EPHA6: variants seen among roughly 807,000 people sequenced by gnomAD.
The protein encoded by EPHA6 is EPH receptor A6.
A neutral mutation model predicts 112.0 loss-of-function variants in EPHA6; 50 were observed. The ratio of observed to expected loss-of-function variants is 0.45; its 90% confidence interval spans 0.36 to 0.56. The LOEUF (loss-of-function observed/expected upper bound fraction) is 0.56. Among genes scored for constraint, EPHA6 ranks in the 20% least tolerant of loss-of-function variants. EPHA6 has a pLI of 0.00. For synonymous variants in EPHA6, 529 were observed against 490.7 expected (o/e 1.08, Z -1.03); for missense variants, 1,280 against 1,417.4 (o/e 0.90, Z 1.56).
intron 3 of EPHA6, among the ~76,000 whole-genome samples, chr3:97,178,206 C>T (rs1221796670): frequency 6.6e-6 from 1 of 151,990 alleles, no homozygotes; most frequent in Non-Finnish European, 1.5e-5. Flanking sequence ...CATAAACAAA[C>T]AAACACAAAG....
At chr3:97,431,413 A>G (rs1324830922) in intron 6 of EPHA6, among the ~76,000 whole-genome samples, 1 of 152,128 alleles carries the variant, frequency 6.6e-6, no homozygotes, top group East Asian at 1.9e-4. Flanking sequence ...GGTTGAATAG[A>G]ATATAAATTA....
chr3:97,758,421 A>T lies in EPHA6; in HGVS notation c.*9720A>T, dbSNP rs1048261315. ...ACTGGTCCAAAATTGTATAATTCCTAAATTTTCATATATATACATATACTG... is the reference window on the plus strand; with the variant it reads ...ACTGGTCCAAAATTGTATAATTCCTTAATTTTCATATATATACATATACTG... On this transcript the variant is annotated 3_prime_UTR_variant, in exon 18 of 18. Transcript: ENST00000389672. 6.6e-6 allele frequency among the ~76,000 whole-genome samples: 1 copy of T among 152,074 alleles called. No homozygotes were observed. Among genetic ancestry groups the T allele is most frequent in the South Asian group, 2.1e-4 (1 of 4,830 alleles).
At chr3:97,272,896 G>A (rs760113736) in intron 5 of EPHA6, among the ~76,000 whole-genome samples, 3 of 152,074 alleles carry the variant, frequency 2.0e-5, no homozygotes, top group Non-Finnish European at 2.9e-5. Flanking sequence ...ATAAAAAAAC[G>A]AAATAGTGGT....
chr3:97,156,807 G>A (rs1156896250), intron 3 of EPHA6, among the ~76,000 whole-genome samples: 1 of 152,014 alleles, frequency 6.6e-6, no homozygotes, highest in African/African-American at 2.4e-5. Flanking sequence ...GACTAAATAG[G>A]GGGCCATTTC....
At chr3:96,815,094 CTT>C (rs2032656961) in intron 1 of EPHA6, 86 bp downstream of exon 1, 6 of 1,323,026 alleles carry the variant, frequency 4.5e-6, no homozygotes, top group Non-Finnish European at 6.1e-6. Context: ...CTGCAGGTAA[CTT>C]TGTACAGGGG....
At chr3:97,262,052 C>G (rs902263075) in intron 5 of EPHA6, among the ~76,000 whole-genome samples, 1 of 152,152 alleles carries the variant, frequency 6.6e-6, no homozygotes, top group South Asian at 2.1e-4. Flanking sequence ...CTTCTTGCTT[C>G]TCTACTTAAT....
chr3:96,867,674 A>G (rs982733055), intron 2 of EPHA6, among the ~76,000 whole-genome samples: 1 of 151,790 alleles, frequency 6.6e-6, no homozygotes, highest in Non-Finnish European at 1.5e-5. Context: ...TTCCTTAGAA[A>G]TGGTAATTTT....
At chr3:97,444,927 G>C (rs76027568) in intron 6 of EPHA6, among the ~76,000 whole-genome samples, 4 of 152,022 alleles carry the variant, frequency 2.6e-5, no homozygotes, top group Non-Finnish European at 4.4e-5. Context: ...TTGATTCTCA[G>C]CATCTTGGAA....
At chr3:97,471,071 T>G (rs930583658) in intron 7 of EPHA6, among the ~76,000 whole-genome samples, 12 of 151,750 alleles carry the variant, frequency 7.9e-5, no homozygotes, top group Non-Finnish European at 1.6e-4. Flanking sequence ...TAGACAAGTT[T>G]TCATAACAGA....
chr3:97,066,620 A>G (rs1450499846), intron 3 of EPHA6, among the ~76,000 whole-genome samples: 1 of 152,186 alleles, frequency 6.6e-6, no homozygotes, highest in Non-Finnish European at 1.5e-5. Context: ...ATCAAAACAG[A>G]TGTCAGTGGC....
chr3:97,113,208 A>G (rs546264078), intron 3 of EPHA6, among the ~76,000 whole-genome samples: 1 of 152,210 alleles, frequency 6.6e-6, no homozygotes, highest in East Asian at 1.9e-4. Flanking sequence ...ACTGTGATTT[A>G]TACTGTTTTA....
At chr3:97,085,543 T>C (rs2046866925) in intron 3 of EPHA6, among the ~76,000 whole-genome samples, 1 of 152,156 alleles carries the variant, frequency 6.6e-6, no homozygotes, top group Non-Finnish European at 1.5e-5. Flanking sequence ...ATATATGCTT[T>C]ATATGAATTA....
At chr3:97,433,681 C>G (rs2089651682) in intron 6 of EPHA6, among the ~76,000 whole-genome samples, 1 of 152,006 alleles carries the variant, frequency 6.6e-6, no homozygotes, top group Non-Finnish European at 1.5e-5. Flanking sequence ...CAAATATATC[C>G]CAATTCCATT....
intron 5 of EPHA6, among the ~76,000 whole-genome samples, chr3:97,290,045 T>A (rs2080621606): frequency 6.6e-6 from 1 of 152,154 alleles, no homozygotes; most frequent in Admixed American, 6.5e-5. Flanking sequence ...ATAGGTGTGA[T>A]GTTAGATTGT....
At chr3:97,672,802 T>A (rs1230000785) in intron 14 of EPHA6, among the ~76,000 whole-genome samples, 1 of 152,212 alleles carries the variant, frequency 6.6e-6, no homozygotes, top group Non-Finnish European at 1.5e-5. Flanking sequence ...CACAAGATCA[T>A]GTGAGAGCAG....
chr3:97,229,995 A>G (rs1173156989), intron 4 of EPHA6, among the ~76,000 whole-genome samples: 5 of 152,220 alleles, frequency 3.3e-5, no homozygotes, highest in East Asian at 1.9e-4. Context: ...CTATTACTAT[A>G]CATGCAATCT....
chr3:97,475,552 C>A, intron 8 of EPHA6, 92 bp downstream of exon 8: 1 of 879,458 alleles, frequency 1.1e-6, no homozygotes, highest in Non-Finnish European at 1.8e-6. Flanking sequence ...TATAACAAAG[C>A]ACACCTGAGG....
intron 1 of EPHA6, among the ~76,000 whole-genome samples, chr3:96,848,541 C>A (rs754204308): frequency 4.6e-5 from 7 of 151,962 alleles, no homozygotes; most frequent in Non-Finnish European, 5.9e-5. Context: ...AAGAGAATTT[C>A]TTGAACCCAG....
At position 97,007,536 on chromosome 3, in the gene EPHA6, C is replaced by T. The variant is rs187688678; in HGVS notation, c.1114+19543C>T. Among the ~76,000 whole-genome samples, 194 of 151,976 alleles carry T rather than the reference C, an allele frequency of 1.3e-3. 1 individual carries two copies. The highest frequency in any genetic ancestry group is 7.7e-3 in the South Asian group (37 of 4,820). The stretch of plus-strand genomic sequence containing the variant: ...GATGGGTCTCCTGAATACAGAACAC[C>T]GATGGGTCTTGACTCCTTATCCAAA... On this transcript the variant is annotated intron_variant, in intron 3 of 17. Transcript: ENST00000389672.
Sources: gnomAD v4.1 joint callset for allele counts (sites outside exome capture counted in the v4.1 genomes callset) on GRCh38, gnomAD v4.1.1 for gene constraint, MANE v1.5 for transcripts, NCBI Gene and HGNC (gene_info 2026-07-23, HGNC 2026-07-21) for gene names.